Variants in FGFR1 observed in about 807,000 individuals in gnomAD.
The protein encoded by FGFR1 is fibroblast growth factor receptor 1, also known as FGFR1/PLAG1 fusion.
Under a neutral mutation model 93.7 loss-of-function variants are expected in FGFR1, and 18 were observed. The observed-to-expected ratio is 0.19, with a 90% CI of 0.13 to 0.28. The LOEUF (loss-of-function observed/expected upper bound fraction) is 0.28, where lower values mean the gene tolerates loss of function less well. FGFR1 is among the 10% of genes least tolerant of loss of function. FGFR1 has a pLI of 1.00. For missense variants in FGFR1, 731 were observed against 1,080.4 expected, an observed-to-expected ratio of 0.68 and a Z score of 4.53; for synonymous variants, 448 against 429.3, an observed-to-expected ratio of 1.04 and a Z score of -0.54.
chr8:38,449,935 T>G (rs1830525141), intron 2 of FGFR1, among the ~76,000 whole-genome samples: 1 of 152,148 alleles, frequency 6.6e-6, no homozygotes, highest in South Asian at 2.1e-4. Context: ...GTTCAATGTC[T>G]CTTGGTGCCA....
rs1417937255 is a variant in FGFR1 at position 38,429,300 on chromosome 8, T to A, written c.358+382A>T. 1 of 543,710 alleles carries A rather than the reference T, an allele frequency of 1.8e-6. No homozygotes were observed. The highest frequency in any genetic ancestry group is 3.6e-6 in the Non-Finnish European group (1 of 277,810). 33.7% of individuals were successfully genotyped at this position (543,710 alleles called of 1,614,324 possible). A position where few individuals can be genotyped will look rare whatever the true frequency, so the allele number is the denominator to read the frequency against. ...ACCACCACCTGTTCAGGGCCTCTAA[T>A]CACTAAGCCGAGTACCAAGTCCAAA... On this transcript the variant is annotated intron_variant, in intron 3 of 17. Transcript: ENST00000447712. This position sits in a 1 kb window ranked among gnomAD's most constrained non-coding sequence, Gnocchi z 4.4.
At chr8:38,438,124 T>C (rs912940028) in intron 2 of FGFR1, among the ~76,000 whole-genome samples, 1 of 152,224 alleles carries the variant, frequency 6.6e-6, no homozygotes, top group Non-Finnish European at 1.5e-5. Context: ...TTCATCCTCA[T>C]AGGAAACTTA....
At position 38,412,353 on chromosome 8, in the gene FGFR1, C is replaced by T. The variant is rs1814639303; in HGVS notation, c.*1275G>A. On this transcript the variant is annotated 3_prime_UTR_variant, in exon 18 of 18. Coordinates refer to ENST00000447712, the MANE Select transcript of FGFR1 (RefSeq NM_023110.3). ...GCGTGAGCAACCGCGCCCTTGCTTT[C>T]CTCTTAATCACTGTAGCTCTACCCC... is the stretch of plus-strand genomic sequence containing the variant. The T allele has an allele frequency of 8.6e-6, 2 of 231,932 alleles. No individual in the cohort carries two copies. Among genetic ancestry groups the T allele is most frequent in the Non-Finnish European group, 1.7e-5 (2 of 117,240 alleles). The allele number at this position is 231,932 out of a possible 1,614,324, so 14.4% of individuals were successfully genotyped here. A position where few individuals can be genotyped will look rare whatever the true frequency, so the allele number is the denominator to read the frequency against.
intron 2 of FGFR1, among the ~76,000 whole-genome samples, chr8:38,433,967 G>A (rs750733350): frequency 6.6e-6 from 1 of 152,074 alleles, no homozygotes; most frequent in African/African-American, 2.4e-5. Flanking sequence ...TCTGCTTTCT[G>A]TCTATGGATT....
chr8:38,453,438 T>C (rs1831749585), intron 2 of FGFR1, among the ~76,000 whole-genome samples: 1 of 152,224 alleles, frequency 6.6e-6, no homozygotes, highest in African/African-American at 2.4e-5. Context: ...TCATTATCAA[T>C]ATATTTTATA....
chr8:38,426,003 C>T lies in FGFR1; in HGVS notation c.745+119G>A. The T allele has an allele frequency of 1.4e-6, 2 of 1,399,528 alleles. No homozygotes were observed. Among genetic ancestry groups the T allele is most frequent in the Non-Finnish European group, 2.0e-6 (2 of 993,304 alleles). The allele number at this position is 1,399,528 out of a possible 1,614,324, so 86.7% of individuals were successfully genotyped here. A position where few individuals can be genotyped will look rare whatever the true frequency, so the allele number is the denominator to read the frequency against. On this transcript the variant is annotated intron_variant, in intron 6 of 17. Coordinates refer to ENST00000447712, the MANE Select transcript of FGFR1 (RefSeq NM_023110.3). The surrounding 1 kb of genome is among the most constrained non-coding windows in gnomAD (Gnocchi z 4.1). ...AGTGACCTGCTCAAGGTGACAAAGCCAAGAAGTGCCAATCGCTATCCTGAC... is the reference window on the plus strand; with the variant it reads ...AGTGACCTGCTCAAGGTGACAAAGCTAAGAAGTGCCAATCGCTATCCTGAC...
chr8:38,428,710 C>T, intron 3 of FGFR1: 2 of 484,344 alleles, frequency 4.1e-6, no homozygotes, highest in Non-Finnish European at 7.6e-6. Context: ...TAATTCCGTC[C>T]TACATTCAAA....
chr8:38,428,103 G>T lies in FGFR1; in HGVS notation c.449-10C>A. 1.9e-6 allele frequency: 3 copies of T among 1,613,972 alleles called. No homozygotes were observed. The highest frequency in any genetic ancestry group is 2.5e-6 in the Non-Finnish European group (3 of 1,180,048). ...CAATATGGAGCTACGGCTGCCCGGG[G>T]AAAGCCAAGAGAGACAGGCAGGGTG... On this transcript the variant is annotated splice_polypyrimidine_tract_variant and intron_variant, in intron 4 of 17. Coordinates refer to ENST00000447712, the MANE Select transcript of FGFR1 (RefSeq NM_023110.3).
rs935957999 is a variant in FGFR1 at position 38,453,295 on chromosome 8, C to T, written c.91+4061G>A. 5.3e-5 allele frequency among the ~76,000 whole-genome samples: 8 copies of T among 152,316 alleles called. 1 individual carries two copies. The highest frequency in any genetic ancestry group is 3.9e-4 in the Admixed American group (6 of 15,310). ...AAACAACATGCTCCTCGCCATGTGCCGTCTCCCCTGGAGGCCCAGGGAAAG... is the reference window on the plus strand; with the variant it reads ...AAACAACATGCTCCTCGCCATGTGCTGTCTCCCCTGGAGGCCCAGGGAAAG... On this transcript the variant is annotated intron_variant, in intron 2 of 17. Coordinates refer to ENST00000447712, the MANE Select transcript of FGFR1 (RefSeq NM_023110.3).
At chr8:38,423,311 AGTTT>A in intron 7 of FGFR1, 2 of 351,858 alleles carry the variant, frequency 5.7e-6, no homozygotes, top group East Asian at 5.8e-5. Context: ...TTTCCCTTTT[AGTTT>A]TTTTTTTTTT....
Position 38,426,026 on chromosome 8 carries a change from G to A in FGFR1, c.745+96C>T, listed in dbSNP as rs1820640958. 3 of 1,561,100 alleles carry A rather than the reference G, an allele frequency of 1.9e-6. No individual in the cohort carries two copies. The highest frequency in any genetic ancestry group is 1.8e-6 in the Non-Finnish European group (2 of 1,136,756). On this transcript the variant is annotated intron_variant, in intron 6 of 17. Coordinates refer to ENST00000447712, the MANE Select transcript of FGFR1 (RefSeq NM_023110.3). The surrounding 1 kb of genome is among the most constrained non-coding windows in gnomAD (Gnocchi z 4.1). ...GCCAAGAAGTGCCAATCGCTATCCT[G>A]ACTCTGCCCCTAAGAAACCTGGACA...
intron 2 of FGFR1, among the ~76,000 whole-genome samples, chr8:38,435,900 C>T (rs1281702114): frequency 6.6e-6 from 1 of 152,236 alleles, no homozygotes. Flanking sequence ...CCTCAAAATG[C>T]ACATGGGGAT....
In FGFR1 at chr8:38,424,385, G is replaced by A; in HGVS notation, c.936+124C>T. The A allele has an allele frequency of 1.0e-6, 1 of 993,990 alleles. No homozygotes were observed. Among genetic ancestry groups the A allele is most frequent in the South Asian group, 1.3e-5 (1 of 74,506 alleles). The allele number at this position is 993,990 out of a possible 1,614,324, so 61.6% of individuals were successfully genotyped here. A position where few individuals can be genotyped will look rare whatever the true frequency, so the allele number is the denominator to read the frequency against. ...AGATCCCTACTGAGATGGAGTGTGT[G>A]TGCCTGAAGCGTGAGGAATGATCCC... On this transcript the variant is annotated intron_variant, in intron 7 of 17. Coordinates refer to ENST00000447712, the MANE Select transcript of FGFR1 (RefSeq NM_023110.3). The surrounding 1 kb of genome is among the most constrained non-coding windows in gnomAD (Gnocchi z 4.3).
chr8:38,448,370 C>T (rs945556884), intron 2 of FGFR1, among the ~76,000 whole-genome samples: 1 of 151,096 alleles, frequency 6.6e-6, no homozygotes, highest in Non-Finnish European at 1.5e-5. Flanking sequence ...ACTTCCGCCT[C>T]GCGGGTTCAA....
At position 38,429,269 on chromosome 8, in the gene FGFR1, A is replaced by T. The variant is rs1293283634; in HGVS notation, c.358+413T>A. 1 of 506,618 alleles carries T rather than the reference A, an allele frequency of 2.0e-6. No individual in the cohort carries two copies. Among genetic ancestry groups the T allele is most frequent in the Non-Finnish European group, 3.9e-6 (1 of 256,508 alleles). The allele number at this position is 506,618 out of a possible 1,614,324, so 31.4% of individuals were successfully genotyped here. ...CACCTGGGTTCCTCTCCAGCAGAGCAGGGATACCACCACCTGTTCAGGGCC... is the reference window on the plus strand; with the variant it reads ...CACCTGGGTTCCTCTCCAGCAGAGCTGGGATACCACCACCTGTTCAGGGCC... On this transcript the variant is annotated intron_variant, in intron 3 of 17. Transcript: ENST00000447712. The surrounding 1 kb of genome is among the most constrained non-coding windows in gnomAD (Gnocchi z 4.4).
intron 2 of FGFR1, among the ~76,000 whole-genome samples, chr8:38,454,954 G>A (rs1214417158): frequency 7.0e-6 from 1 of 143,250 alleles, no homozygotes; most frequent in African/African-American, 2.6e-5. Flanking sequence ...ACCCATTTAA[G>A]TCTAGTTTTC....
Position 38,419,720 on chromosome 8 carries a change from G to A in FGFR1, c.1097C>T (p.Pro366Leu), listed in dbSNP as rs121909641. 2.5e-6 allele frequency: 4 copies of A among 1,614,054 alleles called. No homozygotes were observed. The highest frequency in any genetic ancestry group is 1.1e-5 in the South Asian group (1 of 91,060). ...GTACAGGGGCGAGGTCATCACTGCC[G>A]GCCTCTCTTCCAGGGCTGAGTCAGT... ...LTVLEALEER[P>L]AVMTSPLYLE... The change falls in exon 9 of 18, where the codon CCG becomes CTG. Residue 366 changes from proline to leucine, a missense_variant. Around this residue, in one of 10 missense-constraint regions of FGFR1, gnomAD observed 146 missense variants for 173.0 expected, o/e 0.84. Transcript: ENST00000447712.
At chr8:38,449,395 G>A (rs1462879615) in intron 2 of FGFR1, among the ~76,000 whole-genome samples, 1 of 151,878 alleles carries the variant, frequency 6.6e-6, no homozygotes, top group African/African-American at 2.4e-5. Flanking sequence ...ATGAATGAGT[G>A]AAAAAAAATC....
chr8:38,456,636 T>C (rs1832913556), intron 2 of FGFR1, among the ~76,000 whole-genome samples: 1 of 152,236 alleles, frequency 6.6e-6, no homozygotes, highest in Admixed American at 6.5e-5. Context: ...GCAATCATAA[T>C]TCACTGCAGC....
Sources: gnomAD v4.1 joint callset for allele counts (sites outside exome capture counted in the v4.1 genomes callset) on GRCh38, gnomAD v4.1.1 for gene constraint, gnomAD v4.1.1 regional missense constraint, Gnocchi (gnomAD v3.1) non-coding constraint, MANE v1.5 for transcripts, NCBI Gene and HGNC (gene_info 2026-07-23, HGNC 2026-07-21) for gene names.